Variants in ERLEC1 observed in about 807,000 individuals in gnomAD.
ERLEC1 encodes ER lectin.
In ERLEC1, 47 loss-of-function variants were observed where a neutral mutation model predicts 68.0. The ratio of observed to expected loss-of-function variants is 0.69; its 90% CI spans 0.55 to 0.88. The LOEUF (loss-of-function observed/expected upper bound fraction) is 0.88. ERLEC1 is among the 40% of genes least tolerant of loss of function. The probability of loss-of-function intolerance (pLI) is 0.00; values close to 1 mark genes in which losing one functional copy is unlikely to be tolerated. For synonymous variants in ERLEC1, 225 were observed against 203.2 expected, an observed-to-expected ratio of 1.11 and a Z score of -0.91; for missense variants, 567 against 583.8, an observed-to-expected ratio of 0.97 and a Z score of 0.30.
At chr2:53,810,495 T>C (rs1476893739) in intron 10 of ERLEC1, among the ~76,000 whole-genome samples, 1 of 152,252 alleles carries the variant, frequency 6.6e-6, no homozygotes, top group Non-Finnish European at 1.5e-5. Flanking sequence ...ACTTATACTT[T>C]GTTTAGTAAA....
intron 1 of ERLEC1, chr2:53,787,618 A>T (rs1188684427): frequency 2.5e-6 from 1 of 399,024 alleles, no homozygotes; most frequent in South Asian, 9.8e-5. Context: ...ATTCTGTCGC[A>T]CTAGACCTTG....
At chr2:53,810,686 G>GTC (rs1201822570) in intron 10 of ERLEC1, among the ~76,000 whole-genome samples, 1 of 152,192 alleles carries the variant, frequency 6.6e-6, no homozygotes, top group Non-Finnish European at 1.5e-5. Context: ...GGGACAGACT[G>GTC]TCAATTCACC....
rs1209380728 is a variant in ERLEC1, at chr2:53,793,603, C to CCTTTTTTT, written c.163-725_163-718dup. ...GAACATTCATTGCCACCTCTTAGTGCCTTTTTTTCTTTTTTTCTTTTTTTT... is the reference window on the plus strand; with the variant it reads ...GAACATTCATTGCCACCTCTTAGTGCCTTTTTTTCTTTTTTTCTTTTTTTCTTTTTTTT... On this transcript the variant is annotated intron_variant, in intron 1 of 13. Transcript: ENST00000185150. Among the ~76,000 whole-genome samples the CCTTTTTTT allele has an allele frequency of 5.3e-5, 8 of 150,286 alleles. No homozygotes were observed. The East Asian group carries it at 1.3e-3, about 24-fold the overall frequency.
Position 53,814,766 on chromosome 2 carries a change from G to C in ERLEC1, c.1305-94G>C, listed in dbSNP as rs568191908. The C allele has an allele frequency of 1.7e-5, 17 of 1,023,654 alleles. No individual in the cohort carries two copies. In the South Asian group the frequency reaches 2.4e-4, roughly 14 times the overall value. 63.4% of individuals were successfully genotyped at this position (1,023,654 alleles called of 1,614,324 possible). ...GATAAAATTATATTAAATCATACAG[G>C]GTCCACTTGAGTGGGATTTTTAAGA... On this transcript the variant is annotated intron_variant, in intron 12 of 13. Transcript: ENST00000185150.
chr2:53,792,028 C>T (rs1675430343), intron 1 of ERLEC1, among the ~76,000 whole-genome samples: 1 of 151,946 alleles, frequency 6.6e-6, no homozygotes, highest in Admixed American at 6.6e-5. Context: ...TCACCTGCCT[C>T]AGCCTCCCGA....
At chr2:53,797,925 G>A (rs185120774) in intron 5 of ERLEC1, 130 bp downstream of exon 5, 22 of 804,858 alleles carry the variant, frequency 2.7e-5, no homozygotes, top group Non-Finnish European at 3.5e-5. Flanking sequence ...GGCTGGGCGC[G>A]GTGGCTGACG....
At chr2:53,814,746 AATTATATTAAATCAT>A (rs1253636623) in intron 12 of ERLEC1, 99 bp from the exon 13 acceptor site, 2 of 979,422 alleles carry the variant, frequency 2.0e-6, no homozygotes, top group Non-Finnish European at 3.1e-6. Context: ...TTATTGATAA[AATTATATTAAATCAT>A]ACAGGGTCCA....
chr2:53,787,127 C>T lies in ERLEC1; in HGVS notation c.-84C>T. ...CCCGGGCGCTTTATAGTCCCGCCGC[C>T]TCCTCCTCCACCTCCTCCTCCTCCT... is the stretch of plus-strand genomic sequence containing the variant. On this transcript the variant is annotated 5_prime_UTR_variant, in exon 1 of 14. Coordinates refer to ENST00000185150, the MANE Select transcript of ERLEC1 (RefSeq NM_015701.5). 1.6e-6 allele frequency: 2 copies of T among 1,285,956 alleles called. No homozygotes were observed. Among genetic ancestry groups the T allele is most frequent in the Non-Finnish European group, 2.0e-6 (2 of 982,784 alleles). The allele number at this position is 1,285,956 out of a possible 1,614,324, so 79.7% of individuals were successfully genotyped here.
intron 1 of ERLEC1, among the ~76,000 whole-genome samples, chr2:53,790,004 G>A (rs1675298937): frequency 6.7e-6 from 1 of 148,794 alleles, no homozygotes; most frequent in South Asian, 2.2e-4. Flanking sequence ...GGGCGACAGA[G>A]GAGTCTGTCT....
intron 13 of ERLEC1, among the ~76,000 whole-genome samples, chr2:53,815,937 T>C (rs1313336999): frequency 6.6e-6 from 1 of 152,182 alleles, no homozygotes; most frequent in Non-Finnish European, 1.5e-5. Context: ...CATTAACTCT[T>C]TGTATTTGTA....
intron 1 of ERLEC1, among the ~76,000 whole-genome samples, chr2:53,789,696 T>G (rs1332697851): frequency 6.6e-6 from 1 of 152,140 alleles, no homozygotes; most frequent in Non-Finnish European, 1.5e-5. Context: ...TTAATACTTC[T>G]ATAACCTTAA....
intron 8 of ERLEC1, among the ~76,000 whole-genome samples, chr2:53,803,666 A>T (rs1403827155): frequency 6.6e-6 from 1 of 152,110 alleles, no homozygotes; most frequent in Admixed American, 6.6e-5. Context: ...TCCCAGCTAC[A>T]CAGCAGGCTG....
intron 1 of ERLEC1, among the ~76,000 whole-genome samples, chr2:53,789,997 C>A (rs1454693069): frequency 2.6e-4 from 37 of 142,090 alleles, no homozygotes; most frequent in African/African-American, 9.4e-4. Context: ...CCATCCTGGG[C>A]GACAGAGGAG....
At chr2:53,791,567 G>A (rs1573062719) in intron 1 of ERLEC1, among the ~76,000 whole-genome samples, 1 of 152,060 alleles carries the variant, frequency 6.6e-6, no homozygotes, top group Non-Finnish European at 1.5e-5. Context: ...AATATATTTT[G>A]TGGTCCCAAT....
chr2:53,787,949 C>T (rs1189379773), intron 1 of ERLEC1, among the ~76,000 whole-genome samples: 1 of 152,186 alleles, frequency 6.6e-6, no homozygotes, highest in African/African-American at 2.4e-5. Flanking sequence ...ATATCCTTTA[C>T]AGTTTTCATG....
At chr2:53,789,212 G>A (rs983503047) in intron 1 of ERLEC1, among the ~76,000 whole-genome samples, 1 of 151,918 alleles carries the variant, frequency 6.6e-6, no homozygotes, top group Non-Finnish European at 1.5e-5. Context: ...TGACCAACGT[G>A]GTGAAACCCC....
intron 5 of ERLEC1, among the ~76,000 whole-genome samples, chr2:53,798,702 G>T (rs1186210798): frequency 1.3e-5 from 2 of 151,314 alleles, no homozygotes; most frequent in Non-Finnish European, 2.9e-5. Flanking sequence ...ATTATATGTA[G>T]AAATAGATAT....
chr2:53,797,995 G>A (rs570025638), intron 5 of ERLEC1, among the ~76,000 whole-genome samples, 200 bp downstream of exon 5: 1 of 152,264 alleles, frequency 6.6e-6, no homozygotes, highest in East Asian at 1.9e-4. Flanking sequence ...GGGAGATTGA[G>A]ACCATCCTGG....
chr2:53,801,506 T>G lies in ERLEC1; in HGVS notation c.635T>G (p.Met212Arg). Reference sequence around the variant, plus strand: ...AACCGGCCCAGATCAAGTACTGTGATGTACATATGTCATCCTGAATCTAAG... The same window carrying G: ...AACCGGCCCAGATCAAGTACTGTGAGGTACATATGTCATCCTGAATCTAAG... ...KQNRPRSSTV[M>R]YICHPESKHE... Residue 212 changes from methionine (M) to arginine (R), a missense_variant, in exon 7 of 14, where the codon ATG (methionine) becomes AGG (arginine). Transcript: ENST00000185150. The G allele has an allele frequency of 6.2e-7, 1 of 1,614,116 alleles. No individual in the cohort carries two copies. The highest frequency in any genetic ancestry group is 1.3e-5 in the African/African-American group (1 of 75,056).
Sources: allele counts gnomAD v4.1 joint callset (sites outside exome capture counted in the v4.1 genomes callset), GRCh38; gene constraint gnomAD v4.1.1; transcripts MANE v1.5; gene names NCBI Gene and HGNC (gene_info 2026-07-23, HGNC 2026-07-21).